Variants in SH3PXD2A observed in about 807,000 individuals in gnomAD.
SH3PXD2A encodes SH3 and PX domains 2A.
In SH3PXD2A, 32 loss-of-function variants were observed where a neutral mutation model predicts 115.2. That is an observed-to-expected ratio of 0.28 (90% confidence interval 0.21 to 0.37). The LOEUF (loss-of-function observed/expected upper bound fraction) is 0.37, where lower values mean the gene tolerates loss of function less well. Among genes scored for constraint, SH3PXD2A ranks in the 10% least tolerant of loss-of-function variants. The pLI is 1.00. For missense variants in SH3PXD2A, 1,328 were observed against 1,498.7 expected (o/e 0.89, Z 1.88); for synonymous variants, 610 against 629.1 (o/e 0.97, Z 0.45).
intron 2 of SH3PXD2A, 40 bp from the exon 3 acceptor site, chr10:103,767,209 C>A: frequency 6.8e-7 from 1 of 1,478,646 alleles, no homozygotes; most frequent in Non-Finnish European, 9.4e-7. Flanking sequence ...ATTCAGAAGA[C>A]CAGAACATTC....
chr10:103,753,495 CAAAA>C (rs58148179), intron 3 of SH3PXD2A, among the ~76,000 whole-genome samples: 91 of 65,454 alleles, frequency 1.4e-3, no homozygotes, highest in Non-Finnish European at 1.6e-3. Context: ...GACCCCATCT[CAAAA>C]AAAAAAAAAA....
chr10:103,758,867 A>T (rs1467716526), intron 3 of SH3PXD2A, among the ~76,000 whole-genome samples: 4 of 152,194 alleles, frequency 2.6e-5, no homozygotes, highest in African/African-American at 4.8e-5. Flanking sequence ...TCTCCATCAC[A>T]TAGTTTGGCT....
chr10:103,847,206 C>G (rs1285826614), intron 1 of SH3PXD2A, among the ~76,000 whole-genome samples: 2 of 152,112 alleles, frequency 1.3e-5, no homozygotes, highest in Non-Finnish European at 2.9e-5. Context: ...AATGCAGTGG[C>G]ATAATCATAG....
chr10:103,827,906 G>A (rs1280070888), intron 1 of SH3PXD2A, among the ~76,000 whole-genome samples: 1 of 152,192 alleles, frequency 6.6e-6, no homozygotes, highest in African/African-American at 2.4e-5. Context: ...TGTAAAACGG[G>A]GATGACAAGA....
chr10:103,817,412 C>T (rs868402572), intron 1 of SH3PXD2A, among the ~76,000 whole-genome samples: 6 of 152,010 alleles, frequency 3.9e-5, no homozygotes, highest in African/African-American at 1.4e-4. Flanking sequence ...GCCATCTCGG[C>T]GCACTGCAAC....
chr10:103,706,730 G>A (rs1388912413), intron 5 of SH3PXD2A, among the ~76,000 whole-genome samples: 1 of 152,140 alleles, frequency 6.6e-6, no homozygotes, highest in African/African-American at 2.4e-5. Context: ...ACACCATCCC[G>A]AGCATCCTCC....
intron 2 of SH3PXD2A, among the ~76,000 whole-genome samples, chr10:103,782,867 A>G (rs749120150): frequency 1.3e-5 from 2 of 151,630 alleles, no homozygotes; most frequent in Non-Finnish European, 2.9e-5. Context: ...ACAGGTTGTA[A>G]TAAGTGTTTT....
chr10:103,765,071 G>A (rs1276227922), intron 3 of SH3PXD2A, among the ~76,000 whole-genome samples: 1 of 152,146 alleles, frequency 6.6e-6, no homozygotes, highest in Non-Finnish European at 1.5e-5. Context: ...ACAGCCCCAC[G>A]AAGTACATTC....
chr10:103,780,442 C>T (rs2038921330), intron 2 of SH3PXD2A, among the ~76,000 whole-genome samples: 1 of 152,200 alleles, frequency 6.6e-6, no homozygotes, highest in Admixed American at 6.5e-5. Flanking sequence ...GTCAAGCGGG[C>T]AGAGTTCAGC....
chr10:103,705,126 T>C (rs1041899538), intron 5 of SH3PXD2A, among the ~76,000 whole-genome samples: 1 of 152,184 alleles, frequency 6.6e-6, no homozygotes, highest in Non-Finnish European at 1.5e-5. Flanking sequence ...GGGCCCTGCC[T>C]GCTCACCAGC....
chr10:103,740,169 C>T (rs892562379), intron 3 of SH3PXD2A, among the ~76,000 whole-genome samples: 1 of 152,168 alleles, frequency 6.6e-6, no homozygotes, highest in African/African-American at 2.4e-5. Flanking sequence ...CTCGCAACAA[C>T]CTTGAAGCAA....
chr10:103,638,415 C>T (rs1379060125), intron 8 of SH3PXD2A, among the ~76,000 whole-genome samples: 1 of 152,244 alleles, frequency 6.6e-6, no homozygotes, highest in African/African-American at 2.4e-5. Flanking sequence ...CCCCGCCAAG[C>T]CCACAGGGCT....
At chr10:103,818,105 G>A (rs1285710832) in intron 1 of SH3PXD2A, among the ~76,000 whole-genome samples, 1 of 152,236 alleles carries the variant, frequency 6.6e-6, no homozygotes, top group African/African-American at 2.4e-5. Context: ...TGTTTAAAAA[G>A]TTAGAAGGGA....
At chr10:103,835,042 C>T (rs2039518911) in intron 1 of SH3PXD2A, among the ~76,000 whole-genome samples, 2 of 152,234 alleles carry the variant, frequency 1.3e-5, no homozygotes, top group Admixed American at 6.5e-5. Flanking sequence ...CCAGACTTGG[C>T]TGATGTTGGA....
intron 8 of SH3PXD2A, among the ~76,000 whole-genome samples, chr10:103,632,976 A>C (rs1347385184): frequency 6.6e-6 from 1 of 151,894 alleles, no homozygotes; most frequent in Non-Finnish European, 1.5e-5. Flanking sequence ...CTGTCTCAGA[A>C]ACAAAAAGAA....
rs142679106 is a variant in SH3PXD2A, at chr10:103,746,560, G to C, written c.230-10752C>G. 2.2e-3 allele frequency among the ~76,000 whole-genome samples: 332 copies of C among 152,254 alleles called. 1 individual carries two copies. Among genetic ancestry groups the C allele is most frequent in the African/African-American group, 7.5e-3 (313 of 41,530 alleles). On this transcript the variant is annotated intron_variant, in intron 3 of 14. Coordinates refer to ENST00000369774, the MANE Select transcript of SH3PXD2A (RefSeq NM_001394015.1). The surrounding 1 kb of genome is among the most constrained non-coding windows in gnomAD (Gnocchi z 4.4). ...TGGTTTTAAACTCCTGGGCTCAAGC[G>C]ATCCTCCCAGAGTACTGGGATTACA...
chr10:103,833,981 G>C (rs752155669), intron 1 of SH3PXD2A, among the ~76,000 whole-genome samples: 21 of 152,118 alleles, frequency 1.4e-4, no homozygotes, highest in Middle Eastern at 3.2e-3. Flanking sequence ...CTGGGGAACA[G>C]ATCAGTAAAG....
chr10:103,792,915 G>A (rs1339701426), intron 2 of SH3PXD2A, among the ~76,000 whole-genome samples: 1 of 152,192 alleles, frequency 6.6e-6, no homozygotes, highest in Non-Finnish European at 1.5e-5. Context: ...GATCTAGAAT[G>A]ATGGTCCAGG....
intron 14 of SH3PXD2A, among the ~76,000 whole-genome samples, chr10:103,604,797 A>T (rs1387643523): frequency 6.6e-6 from 1 of 152,186 alleles, no homozygotes; most frequent in Admixed American, 6.5e-5. Context: ...GTGGCTCCTG[A>T]GCCTGACAGT....
Sources: allele counts gnomAD v4.1 joint callset (sites outside exome capture counted in the v4.1 genomes callset), GRCh38; gene constraint gnomAD v4.1.1; non-coding constraint Gnocchi (gnomAD v3.1); transcripts MANE v1.5; gene names NCBI Gene and HGNC (gene_info 2026-07-23, HGNC 2026-07-21).